INIP: variants seen among roughly 807,000 people sequenced by gnomAD.
INIP encodes the protein SOSS complex subunit C.
Under a neutral mutation model 14.0 loss-of-function variants are expected in INIP, and 9 were observed. The ratio of observed to expected loss-of-function variants is 0.64; its 90% CI spans 0.39 to 1.12. The LOEUF (loss-of-function observed/expected upper bound fraction) is 1.12, where lower values mean the gene tolerates loss of function less well. INIP is among the 50% of genes most tolerant of loss of function. The probability of loss-of-function intolerance (pLI) is 0.01; values close to 1 mark genes in which losing one functional copy is unlikely to be tolerated. For missense variants in INIP, 78 were observed against 122.7 expected, an observed-to-expected ratio of 0.64 and a Z score of 1.72; for synonymous variants, 37 against 41.5, an observed-to-expected ratio of 0.89 and a Z score of 0.41.
At chr9:112,717,770 G>C (rs1350636958) in intron 1 of INIP, among the ~76,000 whole-genome samples, 1 of 152,196 alleles carries the variant, frequency 6.6e-6, no homozygotes, top group Non-Finnish European at 1.5e-5. Flanking sequence ...CTTGTGACAG[G>C]GTAGACTGGC....
At chr9:112,699,720 ATAT>A (rs1439727578) in intron 2 of INIP, among the ~76,000 whole-genome samples, 1 of 152,096 alleles carries the variant, frequency 6.6e-6, no homozygotes, top group African/African-American at 2.4e-5. Context: ...TTGTCACATA[ATAT>A]TAAACAAGCA....
At chr9:112,688,639 A>C (rs999938899) in intron 4 of INIP, among the ~76,000 whole-genome samples, 1 of 152,132 alleles carries the variant, frequency 6.6e-6, no homozygotes, top group Non-Finnish European at 1.5e-5. Context: ...TGGGCAACAC[A>C]GTGAGACCCC....
chr9:112,701,054 G>A (rs771908397), intron 2 of INIP, among the ~76,000 whole-genome samples: 4 of 152,152 alleles, frequency 2.6e-5, no homozygotes, highest in East Asian at 3.8e-4. Context: ...GGCCAGGAAC[G>A]GTGGCTCATG....
intron 2 of INIP, among the ~76,000 whole-genome samples, chr9:112,694,763 AT>A (rs1375079543): frequency 1.3e-5 from 2 of 152,152 alleles, no homozygotes; most frequent in Non-Finnish European, 2.9e-5. Flanking sequence ...ATGTTGGATA[AT>A]TTTTCAAGGA....
intron 2 of INIP, among the ~76,000 whole-genome samples, chr9:112,695,363 C>T (rs1051489243): frequency 6.6e-6 from 1 of 151,260 alleles, no homozygotes; most frequent in African/African-American, 2.4e-5. Context: ...GCAGAGCAGA[C>T]CTAGGCACTC....
At chr9:112,692,492 C>T (rs993474380) in intron 3 of INIP, among the ~76,000 whole-genome samples, 5 of 152,002 alleles carry the variant, frequency 3.3e-5, no homozygotes, top group African/African-American at 1.2e-4. Context: ...CCACGTTGCC[C>T]AGGCTGCTCT....
At chr9:112,705,341 C>T (rs1185509896) in intron 2 of INIP, among the ~76,000 whole-genome samples, 2 of 152,014 alleles carry the variant, frequency 1.3e-5, no homozygotes, top group East Asian at 3.9e-4. Context: ...CAAGGTCTCG[C>T]TCTGTTGCCC....
chr9:112,695,496 T>C (rs1175414456), intron 2 of INIP, among the ~76,000 whole-genome samples: 1 of 151,806 alleles, frequency 6.6e-6, no homozygotes, highest in East Asian at 1.9e-4. Flanking sequence ...CTAGGGATGG[T>C]GTAGGCTGTA....
At chr9:112,691,401 G>C (rs1350970059) in intron 3 of INIP, among the ~76,000 whole-genome samples, 3 of 152,212 alleles carry the variant, frequency 2.0e-5, no homozygotes, top group Non-Finnish European at 4.4e-5. Flanking sequence ...ATGAGTTCAG[G>C]TTGGGACATA....
Position 112,706,446 on chromosome 9 carries a change from G to A in INIP, c.25+10015C>T, listed in dbSNP as rs191931977. Among the ~76,000 whole-genome samples, 20 of 151,830 alleles carry A rather than the reference G, an allele frequency of 1.3e-4. 1 individual carries two copies. The East Asian group carries it at 3.9e-3, about 29-fold the overall frequency. ...TTTTTCAATTTTGTGTAGAGACAGG[G>A]CCTCACTATGTTGCCCAGGCTCATC... On this transcript the variant is annotated intron_variant, in intron 2 of 4. Coordinates refer to ENST00000374242, the MANE Select transcript of INIP (RefSeq NM_021218.3).
At chr9:112,696,306 T>C (rs1277449556) in intron 2 of INIP, among the ~76,000 whole-genome samples, 2 of 152,088 alleles carry the variant, frequency 1.3e-5, no homozygotes, top group Non-Finnish European at 2.9e-5. Flanking sequence ...AATCTTCCGG[T>C]GGAAGAAGCT....
chr9:112,703,912 G>A (rs1002349225), intron 2 of INIP, among the ~76,000 whole-genome samples: 7 of 152,106 alleles, frequency 4.6e-5, no homozygotes, highest in African/African-American at 1.2e-4. Flanking sequence ...GATGCAAAAG[G>A]GAAAGCTAAG....
intron 2 of INIP, among the ~76,000 whole-genome samples, chr9:112,698,534 A>G (rs1051804437): frequency 1.3e-5 from 2 of 152,206 alleles, no homozygotes; most frequent in African/African-American, 4.8e-5. Flanking sequence ...TTAAGGAAAC[A>G]TAATTAGCAA....
At chr9:112,697,498 G>A (rs967168753) in intron 2 of INIP, among the ~76,000 whole-genome samples, 2 of 152,040 alleles carry the variant, frequency 1.3e-5, no homozygotes, top group Non-Finnish European at 2.9e-5. Flanking sequence ...CAGGAGGATC[G>A]CTTGAGCCCA....
intron 3 of INIP, among the ~76,000 whole-genome samples, chr9:112,691,175 G>A (rs1026741367): frequency 1.3e-5 from 2 of 152,210 alleles, no homozygotes; most frequent in African/African-American, 4.8e-5. Flanking sequence ...CAGGAATCAG[G>A]ATAGCATCAG....
chr9:112,695,990 C>T (rs1446757120), intron 2 of INIP, among the ~76,000 whole-genome samples: 8 of 151,986 alleles, frequency 5.3e-5, no homozygotes, highest in East Asian at 1.9e-4. Context: ...TGGGCTCGAG[C>T]GATCCTCCTG....
At chr9:112,691,412 C>G (rs142608418) in intron 3 of INIP, among the ~76,000 whole-genome samples, 101 of 152,276 alleles carry the variant, frequency 6.6e-4, no homozygotes, top group Non-Finnish European at 1.2e-3. Flanking sequence ...TTGGGACATA[C>G]TACATTTGAA....
chr9:112,717,613 A>G (rs1588093447), intron 1 of INIP, among the ~76,000 whole-genome samples: 1 of 152,182 alleles, frequency 6.6e-6, no homozygotes, highest in Non-Finnish European at 1.5e-5. Flanking sequence ...GGCAGCAAAG[A>G]GTGATGCCTT....
chr9:112,690,256 C>G (rs538841552), intron 3 of INIP, among the ~76,000 whole-genome samples: 1 of 151,972 alleles, frequency 6.6e-6, no homozygotes, highest in Non-Finnish European at 1.5e-5. Context: ...TTTGGGAGTC[C>G]GAGGCAGGAG....
Sources: gnomAD v4.1 joint callset for allele counts (sites outside exome capture counted in the v4.1 genomes callset) on GRCh38, gnomAD v4.1.1 for gene constraint, MANE v1.5 for transcripts, NCBI Gene and HGNC (gene_info 2026-07-23, HGNC 2026-07-21) for gene names.